Variants in KIAA1328 observed in about 807,000 individuals in gnomAD.
KIAA1328 encodes the protein protein hinderin.
Under a neutral mutation model 68.1 loss-of-function variants are expected in KIAA1328, and 52 were observed. The observed-to-expected ratio is 0.76, with a 90% CI of 0.61 to 0.96. The LOEUF (loss-of-function observed/expected upper bound fraction) is 0.96, where lower values mean the gene tolerates loss of function less well. KIAA1328 is among the 40% of genes least tolerant of loss of function. The pLI is 0.00. For synonymous variants in KIAA1328, 232 were observed against 239.4 expected, an observed-to-expected ratio of 0.97 and a Z score of 0.28; for missense variants, 641 against 677.6, an observed-to-expected ratio of 0.95 and a Z score of 0.60.
At chr18:37,197,644 C>T (rs2060028932) in intron 9 of KIAA1328, among the ~76,000 whole-genome samples, 1 of 152,116 alleles carries the variant, frequency 6.6e-6, no homozygotes, top group Non-Finnish European at 1.5e-5. Context: ...ACCACATCTT[C>T]CTCTCTGCAG....
chr18:37,013,923 T>A (rs772812202), intron 6 of KIAA1328, among the ~76,000 whole-genome samples: 1 of 152,262 alleles, frequency 6.6e-6, no homozygotes, highest in Non-Finnish European at 1.5e-5. Flanking sequence ...ATCTCCAGAC[T>A]GCTTTCTACA....
chr18:37,000,805 ATAAAT>A (rs2053561997), intron 6 of KIAA1328, among the ~76,000 whole-genome samples: 1 of 152,140 alleles, frequency 6.6e-6, no homozygotes, highest in African/African-American at 2.4e-5. Context: ...ATGAAAATGA[ATAAAT>A]TAAGATGGAA....
At chr18:37,078,138 T>C (rs965201076) in intron 7 of KIAA1328, among the ~76,000 whole-genome samples, 7 of 152,076 alleles carry the variant, frequency 4.6e-5, no homozygotes, top group African/African-American at 9.6e-5. Context: ...GAGATATAGA[T>C]CAATGGAACA....
chr18:37,209,464 G>GTGTA (rs1361959709), intron 9 of KIAA1328, among the ~76,000 whole-genome samples: 2 of 152,122 alleles, frequency 1.3e-5, no homozygotes, highest in Admixed American at 1.3e-4. Context: ...TATATAATGT[G>GTGTA]TGTATGTGTG....
At chr18:37,013,504 T>C (rs2054046868) in intron 6 of KIAA1328, among the ~76,000 whole-genome samples, 1 of 152,062 alleles carries the variant, frequency 6.6e-6, no homozygotes, top group Non-Finnish European at 1.5e-5. Flanking sequence ...TCCCCCTCAC[T>C]CCCCACAGTA....
intron 5 of KIAA1328, among the ~76,000 whole-genome samples, chr18:36,896,422 G>C (rs1413224356): frequency 6.6e-6 from 1 of 152,040 alleles, no homozygotes; most frequent in South Asian, 2.1e-4. Context: ...GGCTCCAGAC[G>C]TGGAACCTTA....
At chr18:37,042,766 C>T (rs548015986) in intron 6 of KIAA1328, among the ~76,000 whole-genome samples, 7 of 151,960 alleles carry the variant, frequency 4.6e-5, no homozygotes, top group East Asian at 1.9e-4. Context: ...TTCGATGTGC[C>T]GATTAATGTT....
intron 6 of KIAA1328, among the ~76,000 whole-genome samples, chr18:37,009,393 A>G (rs760220685): frequency 6.6e-6 from 1 of 152,180 alleles, no homozygotes; most frequent in Non-Finnish European, 1.5e-5. Flanking sequence ...TTAAGAGGAT[A>G]GAGGGCCAGG....
At chr18:36,918,141 T>C (rs1158399480) in intron 5 of KIAA1328, among the ~76,000 whole-genome samples, 2 of 152,134 alleles carry the variant, frequency 1.3e-5, no homozygotes, top group Non-Finnish European at 2.9e-5. Context: ...CATCCTCTTT[T>C]TGCCTTATAT....
At chr18:36,896,080 G>C (rs1297748413) in intron 5 of KIAA1328, among the ~76,000 whole-genome samples, 1 of 152,146 alleles carries the variant, frequency 6.6e-6, no homozygotes, top group Non-Finnish European at 1.5e-5. Context: ...TATGTACTTA[G>C]TTCTTTGGTA....
intron 5 of KIAA1328, among the ~76,000 whole-genome samples, chr18:36,890,332 C>T (rs1208172237): frequency 6.6e-6 from 1 of 150,628 alleles, no homozygotes; most frequent in Admixed American, 6.6e-5. Flanking sequence ...AAAGTAATAA[C>T]CAGTCAGAAG....
At chr18:37,055,997 T>C (rs2055891347) in intron 6 of KIAA1328, among the ~76,000 whole-genome samples, 1 of 152,208 alleles carries the variant, frequency 6.6e-6, no homozygotes. Flanking sequence ...TAACAACCTG[T>C]TATAAGAAAT....
intron 9 of KIAA1328, among the ~76,000 whole-genome samples, chr18:37,178,045 T>C (rs1171364734): frequency 6.6e-6 from 1 of 152,110 alleles, no homozygotes; most frequent in Non-Finnish European, 1.5e-5. Context: ...TGGTTTTTTT[T>C]CTATTAAAAA....
chr18:37,053,903 G>C (rs998340405), intron 6 of KIAA1328, among the ~76,000 whole-genome samples: 3 of 151,256 alleles, frequency 2.0e-5, no homozygotes, highest in Non-Finnish European at 4.4e-5. Flanking sequence ...AATTTGCAAA[G>C]TATGCATCTG....
Position 36,854,428 on chromosome 18 carries a change from A to G in KIAA1328, c.332+10126A>G, listed in dbSNP as rs558808887. On this transcript the variant is annotated intron_variant, in intron 4 of 9. Transcript: ENST00000280020. Reference sequence around the variant, plus strand: ...TCATATTCAAAGTAAAAGAAGTTCCATATCAAAAATACAATACTACTGACT... The same window carrying G: ...TCATATTCAAAGTAAAAGAAGTTCCGTATCAAAAATACAATACTACTGACT... 2.0e-5 allele frequency among the ~76,000 whole-genome samples: 3 copies of G among 152,210 alleles called. No individual in the cohort carries two copies. The South Asian group carries it at 6.2e-4, about 32-fold the overall frequency.
chr18:36,925,446 A>G (rs1414866253), intron 5 of KIAA1328, among the ~76,000 whole-genome samples: 1 of 152,146 alleles, frequency 6.6e-6, no homozygotes, highest in Non-Finnish European at 1.5e-5. Flanking sequence ...ACAAATTTGG[A>G]ACCTTTTCTT....
chr18:37,024,372 A>ATT (rs1244492199), intron 6 of KIAA1328, among the ~76,000 whole-genome samples: 1 of 25,892 alleles, frequency 3.9e-5, no homozygotes, highest in African/African-American at 4.4e-5. Flanking sequence ...TATTTACTTT[A>ATT]TTTTATATAT....
chr18:37,097,452 T>C (rs1599252541), intron 7 of KIAA1328, among the ~76,000 whole-genome samples: 1 of 152,218 alleles, frequency 6.6e-6, no homozygotes, highest in East Asian at 1.9e-4. Flanking sequence ...TTGGTACCAG[T>C]ACCATGCTAT....
Position 37,148,498 on chromosome 18 carries a change from A to G in KIAA1328, c.1233-11702A>G, listed in dbSNP as rs571294576. On this transcript the variant is annotated intron_variant, in intron 7 of 9. Transcript: ENST00000280020. ...TATTCCTTTGGGTATATACCCAGTA[A>G]TGGGTTTGCTGGATCAAATGGTTCT... 3.9e-5 allele frequency among the ~76,000 whole-genome samples: 6 copies of G among 152,272 alleles called. No individual in the cohort carries two copies. The South Asian group carries it at 1.0e-3, about 26-fold the overall frequency.
Sources: allele counts gnomAD v4.1 joint callset (sites outside exome capture counted in the v4.1 genomes callset), GRCh38; gene constraint gnomAD v4.1.1; transcripts MANE v1.5; gene names NCBI Gene and HGNC (gene_info 2026-07-23, HGNC 2026-07-21).